PPFIA3: variants seen among roughly 807,000 people sequenced by gnomAD.
The protein encoded by PPFIA3 is PPFI scaffold protein A3.
PPFIA3 carries 26 observed loss-of-function variants against 145.8 expected under a neutral mutation model. The observed-to-expected ratio is 0.18, with a 90% CI of 0.13 to 0.25. PPFIA3 has a LOEUF of 0.25. PPFIA3 is among the 10% of genes least tolerant of loss of function. The pLI is 1.00. For synonymous variants in PPFIA3, 645 were observed against 661.4 expected (o/e 0.98, Z 0.38); for missense variants, 1,008 against 1,587.8 (o/e 0.63, Z 6.21).
intron 21 of PPFIA3, chr19:49,145,693 C>T (rs2041271988): frequency 3.7e-6 from 2 of 540,638 alleles, no homozygotes; most frequent in Admixed American, 3.2e-5. Flanking sequence ...ACGTCATTTG[C>T]ACAGGGCCAC....
rs766786776 is a variant in PPFIA3, at chr19:49,128,573, A to G, written c.342+105A>G. Reference sequence around the variant, plus strand: ...GCAGCGTGACCTATTTTTTTCCCCCATCTCGCCTTTCTGTCTTCTCCTCTT... The same window carrying G: ...GCAGCGTGACCTATTTTTTTCCCCCGTCTCGCCTTTCTGTCTTCTCCTCTT... On this transcript the variant is annotated intron_variant, in intron 3 of 29. Transcript: ENST00000334186. The surrounding 1 kb of genome is among the most constrained non-coding windows in gnomAD (Gnocchi z 4.1). 6 of 1,108,954 alleles carry G rather than the reference A, an allele frequency of 5.4e-6. No homozygotes were observed. Among genetic ancestry groups the G allele is most frequent in the Non-Finnish European group, 7.9e-6 (6 of 758,834 alleles). The allele number at this position is 1,108,954 out of a possible 1,614,324, so 68.7% of individuals were successfully genotyped here. A position where few individuals can be genotyped will look rare whatever the true frequency, so the allele number is the denominator to read the frequency against.
chr19:49,140,123 TCCTTCCTC>T, intron 18 of PPFIA3, 35 bp downstream of exon 18: 1 of 1,605,944 alleles, frequency 6.2e-7, no homozygotes, highest in Non-Finnish European at 8.5e-7. Context: ...CCTCCTTTGT[TCCTTCCTC>T]CCTTCCTCCC....
At chr19:49,127,231 A>G (rs1225692719) in intron 1 of PPFIA3, among the ~76,000 whole-genome samples, 1 of 151,456 alleles carries the variant, frequency 6.6e-6, no homozygotes, top group Non-Finnish European at 1.5e-5. Flanking sequence ...AAAATACAAA[A>G]ATTAGCTGGG....
At chr19:49,148,919 A>G (rs2041310232) in intron 25 of PPFIA3, 74 bp from the exon 26 acceptor site, 1 of 1,587,052 alleles carries the variant, frequency 6.3e-7, no homozygotes, top group South Asian at 1.1e-5. Flanking sequence ...GACCAAATGG[A>G]GGTGGAGGTA....
chr19:49,148,227 G>A lies in PPFIA3; in HGVS notation c.2980G>A (p.Gly994Ser), dbSNP rs776699575. The part of the protein sequence containing the change: ...LDHLNKKELR[G>S]QLKMVDSFHR... ...TCACCTTAACAAGAAGGAGCTCCGG[G>A]GCCAACTCAAGATGGTGGACAGCTT... Residue 994 changes from glycine to serine, a missense_variant, in exon 24 of 30, where the codon GGC becomes AGC. Gly to Ser is a moderately conservative substitution (Grantham distance 56). Coordinates refer to ENST00000334186, the MANE Select transcript of PPFIA3 (RefSeq NM_003660.4). 5 of 1,614,162 alleles carry A rather than the reference G, an allele frequency of 3.1e-6. No individual in the cohort carries two copies. In the South Asian group the frequency reaches 3.3e-5, roughly 11 times the overall value.
intron 20 of PPFIA3, 148 bp from the exon 21 acceptor site, chr19:49,142,656 G>A (rs1003994111): frequency 3.5e-6 from 2 of 579,332 alleles, no homozygotes; most frequent in Non-Finnish European, 6.0e-6. Flanking sequence ...TCTTTTCCTT[G>A]TCCTGTTTCT....
intron 1 of PPFIA3, among the ~76,000 whole-genome samples, chr19:49,122,714 GT>G (rs200075853): frequency 0.03 from 3,424 of 114,744 alleles, 155 homozygotes; most frequent in African/African-American, 0.078. Flanking sequence ...TTGTTTAGTT[GT>G]TTTTTTTTTT....
At chr19:49,124,068 C>T (rs2040968182) in intron 1 of PPFIA3, among the ~76,000 whole-genome samples, 1 of 152,080 alleles carries the variant, frequency 6.6e-6, no homozygotes, top group South Asian at 2.1e-4. Context: ...CCTCCCCCTC[C>T]CCGCCCTATA....
At position 49,130,135 on chromosome 19, in the gene PPFIA3, C is replaced by T; in HGVS notation, c.657+68C>T. 6.7e-7 allele frequency: 1 copy of T among 1,496,808 alleles called. No homozygotes were observed. The highest frequency in any genetic ancestry group is 1.2e-5 in the South Asian group (1 of 84,552). The allele number at this position is 1,496,808 out of a possible 1,614,324, so 92.7% of individuals were successfully genotyped here. A position where few individuals can be genotyped will look rare whatever the true frequency, so the allele number is the denominator to read the frequency against. ...CCTGACTTTGTGATAGTGTTTGTAA[C>T]GTTTGGTATCATCCTCACTGGCCCT... On this transcript the variant is annotated intron_variant, in intron 6 of 29. Transcript: ENST00000334186. This position sits in a 1 kb window ranked among gnomAD's most constrained non-coding sequence, Gnocchi z 4.5.
At position 49,149,968 on chromosome 19, in the gene PPFIA3, TG is replaced by T; in HGVS notation, c.3527-110del. ...TGCGGGGAAGGGAGGGAAACCCATGTGGAGCCCGGCGATCGTTGTGACATCG... is the reference window on the plus strand; with the variant it reads ...TGCGGGGAAGGGAGGGAAACCCATGTGAGCCCGGCGATCGTTGTGACATCG... On this transcript the variant is annotated intron_variant, in intron 28 of 29. Coordinates refer to ENST00000334186, the MANE Select transcript of PPFIA3 (RefSeq NM_003660.4). This position sits in a 1 kb window ranked among gnomAD's most constrained non-coding sequence, Gnocchi z 5.7. The T allele has an allele frequency of 7.5e-7, 1 of 1,332,166 alleles. No homozygotes were observed. 82.5% of individuals were successfully genotyped at this position (1,332,166 alleles called of 1,614,324 possible).
chr19:49,141,539 TG>T, intron 19 of PPFIA3, 26 bp downstream of exon 19: 1 of 1,571,750 alleles, frequency 6.4e-7, no homozygotes, highest in South Asian at 1.1e-5. Context: ...TGTGAGCGTG[TG>T]TGTGTGTATG....
chr19:49,136,683 C>T, intron 14 of PPFIA3, 41 bp from the exon 15 acceptor site: 1 of 1,349,590 alleles, frequency 7.4e-7, no homozygotes, highest in Non-Finnish European at 9.7e-7. Flanking sequence ...CAACCTCGGC[C>T]CCCAGCCACC....
intron 22 of PPFIA3, 67 bp downstream of exon 22, chr19:49,146,072 G>A (rs556087612): frequency 2.5e-6 from 4 of 1,607,308 alleles, no homozygotes; most frequent in Admixed American, 1.7e-5. Flanking sequence ...GGCGGGGACC[G>A]AGTCTGTGGC....
intron 13 of PPFIA3, 31 bp downstream of exon 13, chr19:49,134,946 C>T: frequency 6.6e-7 from 1 of 1,515,502 alleles, no homozygotes; most frequent in East Asian, 2.3e-5. Flanking sequence ...CTGCCCCCAC[C>T]ATGGAGCCCC....
chr19:49,128,828 C>A lies in PPFIA3; in HGVS notation c.343-20C>A. 1 of 1,581,686 alleles carries A rather than the reference C, an allele frequency of 6.3e-7. No homozygotes were observed. The highest frequency in any genetic ancestry group is 8.6e-7 in the Non-Finnish European group (1 of 1,163,888). ...TTTTCCCTTGCCTCTTTTCCTTGAC[C>A]CCATGCCGTGTGCTTGCAGCTGCTC... On this transcript the variant is annotated intron_variant, in intron 3 of 29. Coordinates refer to ENST00000334186, the MANE Select transcript of PPFIA3 (RefSeq NM_003660.4). The surrounding 1 kb of genome is among the most constrained non-coding windows in gnomAD (Gnocchi z 4.1).
chr19:49,136,667 C>A, intron 14 of PPFIA3, 57 bp from the exon 15 acceptor site: 1 of 1,281,438 alleles, frequency 7.8e-7, no homozygotes, highest in Non-Finnish European at 1.0e-6. Flanking sequence ...AGCCAAGACC[C>A]AGCGCCAACC....
intron 1 of PPFIA3, among the ~76,000 whole-genome samples, chr19:49,123,318 C>T (rs962894460): frequency 2.0e-4 from 30 of 152,190 alleles, no homozygotes; most frequent in African/African-American, 7.2e-4. Context: ...TGTGAGCCAC[C>T]ACGCCCGGCC....
rs1232368488 is a variant in PPFIA3 at position 49,141,617 on chromosome 19, A to T, written c.2462+104A>T. On this transcript the variant is annotated intron_variant, in intron 19 of 29. Transcript: ENST00000334186. ...GTGTGTATGAGTGTGTGTGTGTGTGAGAGGGTGTGTGAGTGTGTGTGTGCA... is the reference window on the plus strand; with the variant it reads ...GTGTGTATGAGTGTGTGTGTGTGTGTGAGGGTGTGTGAGTGTGTGTGTGCA... 7.6e-4 allele frequency: 474 copies of T among 624,938 alleles called. No homozygotes were observed. The highest frequency in any genetic ancestry group is 2.1e-3 in the East Asian group (62 of 30,036). 38.7% of individuals were successfully genotyped at this position (624,938 alleles called of 1,614,324 possible).
chr19:49,133,703 G>A lies in PPFIA3; in HGVS notation c.1162-93G>A. On this transcript the variant is annotated intron_variant, in intron 9 of 29. Coordinates refer to ENST00000334186, the MANE Select transcript of PPFIA3 (RefSeq NM_003660.4). This position sits in a 1 kb window ranked among gnomAD's most constrained non-coding sequence, Gnocchi z 7.2. ...AGGGGAGGAGCCTGGCGCTGTGGGG[G>A]CGGAGCCTGGCGCTCAGCCTTGGAG... is the stretch of plus-strand genomic sequence containing the variant. The A allele has an allele frequency of 7.4e-7, 1 of 1,345,000 alleles. No individual in the cohort carries two copies. Among genetic ancestry groups the A allele is most frequent in the Non-Finnish European group, 1.0e-6 (1 of 953,018 alleles). The allele number at this position is 1,345,000 out of a possible 1,614,324, so 83.3% of individuals were successfully genotyped here.
Sources: gnomAD v4.1 joint callset for allele counts (sites outside exome capture counted in the v4.1 genomes callset) on GRCh38, gnomAD v4.1.1 for gene constraint, Gnocchi (gnomAD v3.1) non-coding constraint, MANE v1.5 for transcripts, NCBI Gene and HGNC (gene_info 2026-07-23, HGNC 2026-07-21) for gene names.